Variants in FRMD4B observed in about 807,000 individuals in gnomAD.
The protein encoded by FRMD4B is FERM domain-containing protein 4B.
FRMD4B carries 74 observed loss-of-function variants against 141.5 expected under a neutral mutation model. The observed-to-expected ratio is 0.52, with a 90% CI of 0.43 to 0.63. The LOEUF (loss-of-function observed/expected upper bound fraction) is 0.63, where lower values mean the gene tolerates loss of function less well. FRMD4B is among the 30% of genes least tolerant of loss of function. The probability of loss-of-function intolerance (pLI) is 0.00; values close to 1 mark genes in which losing one functional copy is unlikely to be tolerated. For missense variants in FRMD4B, 1,366 were observed against 1,253.4 expected, an observed-to-expected ratio of 1.09 and a Z score of -1.36; for synonymous variants, 506 against 467.9, an observed-to-expected ratio of 1.08 and a Z score of -1.05.
intron 1 of FRMD4B, among the ~76,000 whole-genome samples, chr3:69,512,985 T>G (rs1045360351): frequency 2.6e-5 from 4 of 152,044 alleles, no homozygotes; most frequent in Non-Finnish European, 5.9e-5. Context: ...ATCAACAACC[T>G]AACTTTATAA....
intron 7 of FRMD4B, among the ~76,000 whole-genome samples, chr3:69,243,843 C>T (rs1399591208): frequency 1.3e-5 from 2 of 152,102 alleles, no homozygotes; most frequent in Non-Finnish European, 2.9e-5. Context: ...GCCAGGAGTT[C>T]GAGACCAGCC....
chr3:69,427,346 A>C (rs73835836), intron 2 of FRMD4B, among the ~76,000 whole-genome samples: 4,246 of 148,846 alleles, frequency 0.029, 210 homozygotes, highest in African/African-American at 0.098. Context: ...TTGGCAACTC[A>C]TTGTGTTTAA....
At chr3:69,495,082 T>C (rs1706362777) in intron 1 of FRMD4B, among the ~76,000 whole-genome samples, 3 of 152,178 alleles carry the variant, frequency 2.0e-5, no homozygotes, top group African/African-American at 2.4e-5. Context: ...TTGCAAGGTA[T>C]AGACTTGGTC....
intron 4 of FRMD4B, among the ~76,000 whole-genome samples, chr3:69,294,889 C>A (rs73838340): frequency 6.6e-6 from 1 of 152,038 alleles, no homozygotes; most frequent in African/African-American, 2.4e-5. Context: ...CATCTGGGCA[C>A]GGTGAATAAT....
Position 69,173,747 on chromosome 3 carries a change from T to A in FRMD4B, c.2985-1766A>T, listed in dbSNP as rs190073000. ...TCTGGAAGGCAAGAGCTTAAAAAAA[T>A]ACACTTTTCAATTTAATCCATTAAC... On this transcript the variant is annotated intron_variant, in intron 22 of 22. Coordinates refer to ENST00000398540, the MANE Select transcript of FRMD4B (RefSeq NM_015123.3). Among the ~76,000 whole-genome samples the A allele has an allele frequency of 9.2e-3, 1,405 of 152,296 alleles. 15 individuals are homozygous for A. Among genetic ancestry groups the A allele is most frequent in the Middle Eastern group, 0.034 (10 of 294 alleles).
chr3:69,410,867 T>C (rs1272112921), intron 2 of FRMD4B, among the ~76,000 whole-genome samples: 1 of 150,916 alleles, frequency 6.6e-6, no homozygotes, highest in Admixed American at 6.6e-5. Flanking sequence ...CAAGGAATCC[T>C]CCCATCTCAG....
intron 4 of FRMD4B, among the ~76,000 whole-genome samples, chr3:69,295,364 C>T (rs945212953): frequency 5.9e-5 from 9 of 152,140 alleles, no homozygotes; most frequent in Non-Finnish European, 8.8e-5. Context: ...CTCTGCTGCC[C>T]GGGCTAGAGT....
At chr3:69,240,994 G>C (rs187836642) in intron 7 of FRMD4B, among the ~76,000 whole-genome samples, 1 of 152,294 alleles carries the variant, frequency 6.6e-6, no homozygotes, top group Non-Finnish European at 1.5e-5. Context: ...CAAGTATGCT[G>C]AGTTTCATTT....
At chr3:69,278,075 C>T (rs368476921) in intron 5 of FRMD4B, among the ~76,000 whole-genome samples, 3 of 152,018 alleles carry the variant, frequency 2.0e-5, no homozygotes, top group Admixed American at 6.5e-5. Flanking sequence ...AGGCTGGTCT[C>T]GAACTCCTGT....
At chr3:69,432,772 G>C (rs1043877251) in intron 1 of FRMD4B, 2 of 152,130 alleles carry the variant, frequency 1.3e-5, no homozygotes, top group Non-Finnish European at 2.9e-5. Context: ...CTGTAATACA[G>C]AAGAGAGAAG....
At position 69,182,628 on chromosome 3, in the gene FRMD4B, G is replaced by C; in HGVS notation, c.2009C>G (p.Thr670Ser). The change falls in exon 20 of 23, where the codon ACC becomes AGC. Residue 670 changes from threonine (T) to serine (S), a missense_variant. Coordinates refer to ENST00000398540, the MANE Select transcript of FRMD4B (RefSeq NM_015123.3). ...GRSMPTTPVL[T>S]RNAYSSSHLE... ...GTGGCTGCTGCTGTAGGCGTTTCGG[G>C]TAAGAACTGGCGTGGTGGGCATGCT... 2 of 1,613,312 alleles carry C rather than the reference G, an allele frequency of 1.2e-6. No homozygotes were observed. Among genetic ancestry groups the C allele is most frequent in the South Asian group, 2.2e-5 (2 of 91,016 alleles).
chr3:69,500,366 T>C (rs1017761630), intron 1 of FRMD4B, among the ~76,000 whole-genome samples: 2 of 152,200 alleles, frequency 1.3e-5, no homozygotes, highest in South Asian at 2.1e-4. Context: ...CCCTAGGATA[T>C]ATATTCTTAA....
At chr3:69,478,455 G>T (rs1377261810) in intron 1 of FRMD4B, among the ~76,000 whole-genome samples, 2 of 152,066 alleles carry the variant, frequency 1.3e-5, no homozygotes, top group Non-Finnish European at 2.9e-5. Flanking sequence ...CCTTCATTTC[G>T]TTAGGTACCC....
At chr3:69,440,868 G>T (rs1181237937) in intron 1 of FRMD4B, among the ~76,000 whole-genome samples, 1 of 152,106 alleles carries the variant, frequency 6.6e-6, no homozygotes, top group Non-Finnish European at 1.5e-5. Context: ...TGGGGATTTT[G>T]CTTAGAACTA....
Position 69,242,695 on chromosome 3 carries a change from G to GAAA in FRMD4B, c.581+6528_581+6530dup, listed in dbSNP as rs534090647. Among the ~76,000 whole-genome samples, 15 of 124,688 alleles carry GAAA rather than the reference G, an allele frequency of 1.2e-4. 1 individual carries two copies. Among genetic ancestry groups the GAAA allele is most frequent in the African/African-American group, 4.1e-4 (14 of 34,448 alleles). The allele number at this position is 124,688 out of a possible 152,430, so 81.8% of individuals were successfully genotyped here. On this transcript the variant is annotated intron_variant, in intron 7 of 22. Transcript: ENST00000398540. Reference sequence around the variant, plus strand: ...TAATTTTCACCTCTCAAAATCTTAGGAAAAAAAAAAAAAGGCCGGGCTCGT... The same window carrying GAAA: ...TAATTTTCACCTCTCAAAATCTTAGGAAAAAAAAAAAAAAAAGGCCGGGCTCGT...
intron 8 of FRMD4B, among the ~76,000 whole-genome samples, chr3:69,222,932 T>C (rs2093211309): frequency 6.6e-6 from 1 of 152,244 alleles, no homozygotes; most frequent in South Asian, 2.1e-4. Flanking sequence ...CTAAGGCCTA[T>C]CCTCTCTTTG....
chr3:69,267,622 TATATATATATATATAG>T (rs2093571500), intron 5 of FRMD4B, among the ~76,000 whole-genome samples: 4 of 24,320 alleles, frequency 1.6e-4, no homozygotes, highest in African/African-American at 5.5e-4. Flanking sequence ...TATATATATA[TATATATATATATATAG>T]AGAGAGAGAG....
At chr3:69,187,952 T>C in intron 18 of FRMD4B, 35 bp from the exon 19 acceptor site, 1 of 1,203,076 alleles carries the variant, frequency 8.3e-7, no homozygotes, top group African/African-American at 1.5e-5. Context: ...AAAAAATAAG[T>C]AGGCAAATTA....
chr3:69,314,171 A>AAAAAAAC (rs1701717210), intron 1 of FRMD4B, among the ~76,000 whole-genome samples: 1 of 115,104 alleles, frequency 8.7e-6, no homozygotes, highest in South Asian at 2.8e-4. Context: ...AAAAAAAAAA[A>AAAAAAAC]AAGCCTCTCC....
Sources: gnomAD v4.1 joint callset for allele counts (sites outside exome capture counted in the v4.1 genomes callset) on GRCh38, gnomAD v4.1.1 for gene constraint, MANE v1.5 for transcripts, NCBI Gene and HGNC (gene_info 2026-07-23, HGNC 2026-07-21) for gene names.